ICA1: variants seen among roughly 807,000 people sequenced by gnomAD.
ICA1 encodes islet cell autoantigen 1, also known as 69 kDa islet cell autoantigen.
ICA1 carries 40 observed loss-of-function variants against 71.0 expected under a neutral mutation model. The observed-to-expected ratio is 0.56, with a 90% CI of 0.44 to 0.73. The LOEUF (loss-of-function observed/expected upper bound fraction) is 0.73. ICA1 is among the 30% of genes least tolerant of loss of function. ICA1 has a pLI of 0.00. For synonymous variants in ICA1, 207 were observed against 209.5 expected, an observed-to-expected ratio of 0.99 and a Z score of 0.10; for missense variants, 578 against 576.5, an observed-to-expected ratio of 1.00 and a Z score of -0.03.
chr7:8,202,868 C>CGGCA (rs1554337292), intron 6 of ICA1, among the ~76,000 whole-genome samples: 2 of 151,536 alleles, frequency 1.3e-5, no homozygotes, highest in Non-Finnish European at 2.9e-5. Flanking sequence ...AATAGACACA[C>CGGCA]CGCACGAATG....
chr7:8,128,095 TG>T lies in ICA1; in HGVS notation c.1107del (p.Asp369GlufsTer8). ...TCACTCAACAGCAGCAGGTCATCTTTGTCAGCACCTTCAGGTTCCGGGGTCC... is the reference window on the plus strand; with the variant it reads ...TCACTCAACAGCAGCAGGTCATCTTTTCAGCACCTTCAGGTTCCGGGGTCC... Reference protein sequence around the residue: ...VAGTPEPEGADKDDLLLLSEI... With the variant: ...VAGTPEPEGAXKDDLLLLSEI... On this transcript the variant is annotated frameshift_variant, in exon 13 of 14. Coordinates refer to ENST00000402384, the MANE Select transcript of ICA1 (RefSeq NM_001136020.3). LOFTEE classifies it high-confidence loss of function. The T allele has an allele frequency of 6.2e-7, 1 of 1,614,218 alleles. No homozygotes were observed. The highest frequency in any genetic ancestry group is 8.5e-7 in the Non-Finnish European group (1 of 1,180,030).
intron 6 of ICA1, among the ~76,000 whole-genome samples, chr7:8,190,307 G>C (rs1785175041): frequency 6.6e-6 from 1 of 151,948 alleles, no homozygotes; most frequent in Non-Finnish European, 1.5e-5. Flanking sequence ...ACCCAGAGGA[G>C]ACATGGCTGT....
intron 1 of ICA1, among the ~76,000 whole-genome samples, chr7:8,248,405 G>A (rs1806891803): frequency 6.6e-6 from 1 of 152,044 alleles, no homozygotes; most frequent in Non-Finnish European, 1.5e-5. Flanking sequence ...GGGAAGTAGG[G>A]GGCCATTTTT....
rs972454002 is a variant in ICA1, at chr7:8,127,928, G to A, written c.1275C>T (p.Phe425=). The A allele has an allele frequency of 2.5e-6, 4 of 1,614,234 alleles. No homozygotes were observed. The highest frequency in any genetic ancestry group is 1.7e-6 in the Non-Finnish European group (2 of 1,180,044). ...TTTGGTCTAAAAGCTGCGAAGGAAG[G>A]AAACCTGAGCCTGTCTGGGCCTTGG... ...PDPKAQTGSG[F]LPSQLLDQNM... The change falls in exon 13 of 14, where the codon TTC becomes TTT. Residue 425 remains phenylalanine (F), a synonymous_variant. Coordinates refer to ENST00000402384, the MANE Select transcript of ICA1 (RefSeq NM_001136020.3).
chr7:8,190,940 T>G (rs566985115), intron 6 of ICA1, among the ~76,000 whole-genome samples: 1 of 152,340 alleles, frequency 6.6e-6, no homozygotes, highest in African/African-American at 2.4e-5. Flanking sequence ...AACATTTAGC[T>G]TCTAAATTTT....
At chr7:8,118,236 G>T (rs1309760048) in intron 13 of ICA1, among the ~76,000 whole-genome samples, 1 of 152,206 alleles carries the variant, frequency 6.6e-6, no homozygotes, top group Non-Finnish European at 1.5e-5. Context: ...AATGAAACAG[G>T]TGGCCTGCGA....
chr7:8,171,480 G>A (rs1808323200), intron 6 of ICA1, among the ~76,000 whole-genome samples: 1 of 151,794 alleles, frequency 6.6e-6, no homozygotes, highest in South Asian at 2.1e-4. Flanking sequence ...CTATAGTAAT[G>A]TCCTCCTTAA....
At chr7:8,200,300 G>A (rs889420212) in intron 6 of ICA1, among the ~76,000 whole-genome samples, 1 of 116,428 alleles carries the variant, frequency 8.6e-6, no homozygotes, top group African/African-American at 3.2e-5. Flanking sequence ...AGTAATTAGG[G>A]CTTCTTAAAG....
In ICA1 at chr7:8,226,823, T is replaced by C. The variant is rs1798735812; in HGVS notation, c.256+1778A>G. ...TCTAACCCTTTATATTACAAGATAATTATGAGCCTTCATGGTGTTCAACTA... is the reference window on the plus strand; with the variant it reads ...TCTAACCCTTTATATTACAAGATAACTATGAGCCTTCATGGTGTTCAACTA... On this transcript the variant is annotated intron_variant, in intron 4 of 13. Transcript: ENST00000402384. The surrounding 1 kb of genome is among the most constrained non-coding windows in gnomAD (Gnocchi z 4.4). Among the ~76,000 whole-genome samples the C allele has an allele frequency of 6.6e-6, 1 of 152,200 alleles. No individual in the cohort carries two copies.
chr7:8,231,753 A>G (rs150813970), intron 3 of ICA1, among the ~76,000 whole-genome samples: 13 of 152,122 alleles, frequency 8.5e-5, no homozygotes, highest in African/African-American at 2.4e-5. Flanking sequence ...CTTAGAATCA[A>G]TCTCATCCCT....
At chr7:8,189,306 A>G (rs1235800120) in intron 6 of ICA1, among the ~76,000 whole-genome samples, 1 of 152,196 alleles carries the variant, frequency 6.6e-6, no homozygotes, top group Non-Finnish European at 1.5e-5. Flanking sequence ...TACTAGAAGG[A>G]GGCTTATAAC....
chr7:8,211,528 G>A (rs112833039), intron 6 of ICA1, among the ~76,000 whole-genome samples: 2 of 28,680 alleles, frequency 7.0e-5, no homozygotes, highest in Admixed American at 5.2e-4. Flanking sequence ...TGCTCTGTAG[G>A]AGTGGGAGGA....
At chr7:8,236,519 T>C (rs75946261) in intron 1 of ICA1, among the ~76,000 whole-genome samples, 1,849 of 152,324 alleles carry the variant, frequency 0.012, 20 homozygotes, top group Middle Eastern at 0.041. Context: ...AGATTTGAAA[T>C]ATTTTATAAT....
chr7:8,137,424 A>G (rs1186517273), intron 12 of ICA1, among the ~76,000 whole-genome samples: 2 of 152,160 alleles, frequency 1.3e-5, no homozygotes, highest in Non-Finnish European at 2.9e-5. Flanking sequence ...ACTTGTTGAA[A>G]CTGGGTGGTG....
In ICA1 at chr7:8,138,878, G is replaced by A; in HGVS notation, c.1022C>T (p.Pro341Leu). ...KGSTHTACSG[P>L]IDELLDMKSE... ...TTTCATGTCTAATAGTTCATCTATG[G>A]GTCCTTTAGAGAAGAGGAAAGAAAA... The change falls in exon 12 of 14, where the codon CCC becomes CTC. Residue 341 changes from proline (P) to leucine (L), a missense_variant. Transcript: ENST00000402384. 1 of 1,604,990 alleles carries A rather than the reference G, an allele frequency of 6.2e-7. No individual in the cohort carries two copies. The highest frequency in any genetic ancestry group is 8.5e-7 in the Non-Finnish European group (1 of 1,172,074).
chr7:8,138,132 T>A (rs561243205), intron 12 of ICA1, among the ~76,000 whole-genome samples: 7 of 152,334 alleles, frequency 4.6e-5, no homozygotes, highest in South Asian at 4.1e-4. Flanking sequence ...CTGAACCCTC[T>A]CAATGTCTTA....
chr7:8,149,250 C>A (rs1313167808), intron 8 of ICA1, among the ~76,000 whole-genome samples: 1 of 152,218 alleles, frequency 6.6e-6, no homozygotes, highest in Non-Finnish European at 1.5e-5. Context: ...ACCCCAAACC[C>A]ACTCAGTCTC....
chr7:8,203,597 A>C (rs1258266396), intron 6 of ICA1, among the ~76,000 whole-genome samples: 3 of 152,184 alleles, frequency 2.0e-5, no homozygotes, highest in Non-Finnish European at 2.9e-5. Flanking sequence ...CCTTAGGTAG[A>C]AGCCAGGATT....
chr7:8,130,833 T>C lies in ICA1; in HGVS notation c.1061-2691A>G, dbSNP rs1486014759. 6.6e-6 allele frequency among the ~76,000 whole-genome samples: 1 copy of C among 152,210 alleles called. No individual in the cohort carries two copies. Among genetic ancestry groups the C allele is most frequent in the East Asian group, 1.9e-4 (1 of 5,202 alleles). On this transcript the variant is annotated intron_variant, in intron 12 of 13. Coordinates refer to ENST00000402384, the MANE Select transcript of ICA1 (RefSeq NM_001136020.3). This position sits in a 1 kb window ranked among gnomAD's most constrained non-coding sequence, Gnocchi z 4.2. Reference sequence around the variant, plus strand: ...AATAGCTCCATCTTTGTTTTTATTGTTTAGGTTTTGTGCTATGGTGTTTAT... The same window carrying C: ...AATAGCTCCATCTTTGTTTTTATTGCTTAGGTTTTGTGCTATGGTGTTTAT...
Sources: gnomAD v4.1 joint callset for allele counts (sites outside exome capture counted in the v4.1 genomes callset) on GRCh38, gnomAD v4.1.1 for gene constraint, Gnocchi (gnomAD v3.1) non-coding constraint, MANE v1.5 for transcripts, NCBI Gene and HGNC (gene_info 2026-07-23, HGNC 2026-07-21) for gene names.